NRXN3: variants seen among roughly 807,000 people sequenced by gnomAD.
The protein encoded by NRXN3 is neurexin 3.
Under a neutral mutation model 137.6 loss-of-function variants are expected in NRXN3, and 32 were observed. The observed-to-expected ratio is 0.23, with a 90% confidence interval of 0.18 to 0.31. NRXN3 has a LOEUF of 0.31. Ranked by LOEUF, NRXN3 falls within the 10% of genes least tolerant of loss-of-function variation. NRXN3 has a pLI of 1.00. For synonymous variants in NRXN3, 798 were observed against 784.5 expected, an observed-to-expected ratio of 1.02 and a Z score of -0.29; for missense variants, 1,574 against 2,062.5, an observed-to-expected ratio of 0.76 and a Z score of 4.59.
chr14:78,623,391 A>T (rs1330874446), intron 4 of NRXN3, among the ~76,000 whole-genome samples: 3 of 152,082 alleles, frequency 2.0e-5, no homozygotes, highest in Non-Finnish European at 1.5e-5. Context: ...GCTTCTGATG[A>T]CTCAAATTGT....
chr14:78,808,981 T>G lies in NRXN3; in HGVS notation c.2249-1337T>G, dbSNP rs183648238. On this transcript the variant is annotated intron_variant, in intron 9 of 20. Coordinates refer to ENST00000335750, the MANE Select transcript of NRXN3 (RefSeq NM_001330195.2). ...AAAAAAAAATCATTTCGCTTCTACC[T>G]TTTAGTATCTAACGGTAAACAAATC... 2.0e-3 allele frequency among the ~76,000 whole-genome samples: 302 copies of G among 152,230 alleles called. 1 individual carries two copies. Among genetic ancestry groups the G allele is most frequent in the Non-Finnish European group, 3.6e-3 (244 of 68,018 alleles).
chr14:79,464,526 T>C (rs1332976113), intron 15 of NRXN3, among the ~76,000 whole-genome samples: 2 of 152,174 alleles, frequency 1.3e-5, no homozygotes, highest in East Asian at 1.9e-4. Flanking sequence ...ACTGGTAGGA[T>C]TGTGGATGAA....
chr14:79,083,507 A>G (rs377151797), intron 15 of NRXN3, among the ~76,000 whole-genome samples: 16 of 152,350 alleles, frequency 1.1e-4, no homozygotes, highest in Admixed American at 2.0e-4. Flanking sequence ...ATGTACTTGA[A>G]ACCGTCAACT....
chr14:79,483,644 A>G (rs1219511462), intron 16 of NRXN3, among the ~76,000 whole-genome samples: 1 of 152,178 alleles, frequency 6.6e-6, no homozygotes, highest in African/African-American at 2.4e-5. Context: ...AGTGACTCCC[A>G]AGGATGTATT....
chr14:78,594,548 A>G (rs892715169), intron 4 of NRXN3, among the ~76,000 whole-genome samples: 10 of 152,236 alleles, frequency 6.6e-5, no homozygotes, highest in African/African-American at 2.4e-4. Context: ...TGGTTTTCTC[A>G]GTAACCGATG....
At chr14:79,043,371 G>A (rs1007326074) in intron 15 of NRXN3, among the ~76,000 whole-genome samples, 4 of 152,194 alleles carry the variant, frequency 2.6e-5, no homozygotes, top group African/African-American at 9.7e-5. Context: ...GAGTCCAGAA[G>A]GATGTGGGTG....
At chr14:78,702,763 G>A (rs1040793369) in intron 6 of NRXN3, among the ~76,000 whole-genome samples, 1 of 152,064 alleles carries the variant, frequency 6.6e-6, no homozygotes, top group African/African-American at 2.4e-5. Flanking sequence ...CCTTCTTAAT[G>A]ACTCCATGCT....
chr14:78,280,446 A>T (rs976154966), intron 3 of NRXN3, among the ~76,000 whole-genome samples: 7 of 152,150 alleles, frequency 4.6e-5, no homozygotes, highest in African/African-American at 1.7e-4. Context: ...CCCTCTGATA[A>T]GATGATATTT....
At chr14:79,566,708 C>A (rs917042373) in intron 16 of NRXN3, among the ~76,000 whole-genome samples, 13 of 152,034 alleles carry the variant, frequency 8.6e-5, no homozygotes, top group Non-Finnish European at 1.9e-4. Context: ...TCAATACATA[C>A]CTAATATTTT....
At chr14:78,410,534 C>A (rs577466580) in intron 4 of NRXN3, among the ~76,000 whole-genome samples, 1 of 152,176 alleles carries the variant, frequency 6.6e-6, no homozygotes, top group Non-Finnish European at 1.5e-5. Flanking sequence ...CAGGGTTCTT[C>A]TTCAGACCAG....
chr14:79,094,228 A>T (rs1015823553), intron 15 of NRXN3, among the ~76,000 whole-genome samples: 1 of 152,166 alleles, frequency 6.6e-6, no homozygotes, highest in African/African-American at 2.4e-5. Flanking sequence ...AGTGGGGTAG[A>T]GCTAACCCCT....
chr14:79,279,249 C>A, intron 15 of NRXN3: 1 of 631,790 alleles, frequency 1.6e-6, no homozygotes, highest in Non-Finnish European at 2.0e-6. Flanking sequence ...GATTCCGGGT[C>A]GCTCTGGCCC....
chr14:78,978,390 G>A (rs1053739309), intron 14 of NRXN3, among the ~76,000 whole-genome samples: 6 of 152,054 alleles, frequency 3.9e-5, no homozygotes, highest in South Asian at 2.1e-4. Context: ...GAGTATTCGC[G>A]TCTCAGTGGA....
chr14:78,774,064 T>C (rs1194453389), intron 8 of NRXN3, among the ~76,000 whole-genome samples: 2 of 152,114 alleles, frequency 1.3e-5, no homozygotes, highest in African/African-American at 4.8e-5. Flanking sequence ...CCTCCCAAAG[T>C]GCTGGGATTA....
intron 15 of NRXN3, among the ~76,000 whole-genome samples, chr14:79,354,309 A>G (rs1423480923): frequency 6.6e-6 from 1 of 152,202 alleles, no homozygotes; most frequent in South Asian, 2.1e-4. Flanking sequence ...TATGGTATCA[A>G]TGATACTCAG....
At chr14:79,078,926 TAC>T (rs2046422042) in intron 15 of NRXN3, among the ~76,000 whole-genome samples, 1 of 152,116 alleles carries the variant, frequency 6.6e-6, no homozygotes, top group Non-Finnish European at 1.5e-5. Context: ...TGTGTAGGGA[TAC>T]CAGAAGAAGA....
At chr14:78,683,651 A>T (rs1374131428) in intron 6 of NRXN3, among the ~76,000 whole-genome samples, 2 of 152,218 alleles carry the variant, frequency 1.3e-5, no homozygotes, top group Non-Finnish European at 2.9e-5. Flanking sequence ...TATTAGTGAC[A>T]GTGAGTGTAT....
At chr14:79,785,564 C>T (rs2099126906) in intron 19 of NRXN3, among the ~76,000 whole-genome samples, 1 of 152,182 alleles carries the variant, frequency 6.6e-6, no homozygotes, top group Non-Finnish European at 1.5e-5. Flanking sequence ...ATTCCTCTGA[C>T]ATCCCACTCA....
chr14:79,022,695 G>A (rs937615288), intron 15 of NRXN3, among the ~76,000 whole-genome samples: 62 of 152,258 alleles, frequency 4.1e-4, no homozygotes, highest in Non-Finnish European at 1.9e-4. Flanking sequence ...GCAGCATTTG[G>A]TGTTGCTTGG....
Sources: gnomAD v4.1 joint callset for allele counts (sites outside exome capture counted in the v4.1 genomes callset) on GRCh38, gnomAD v4.1.1 for gene constraint, MANE v1.5 for transcripts, NCBI Gene and HGNC (gene_info 2026-07-23, HGNC 2026-07-21) for gene names.